The following RHBG variants were observed in gnomAD, a reference collection of about 807,000 sequenced individuals.
RHBG encodes ammonium transporter Rh type B.
Under a neutral mutation model 40.1 loss-of-function variants are expected in RHBG, and 39 were observed. The ratio of observed to expected loss-of-function variants is 0.97; its 90% CI spans 0.75 to 1.27. The LOEUF (loss-of-function observed/expected upper bound fraction) is 1.27, where lower values mean the gene tolerates loss of function less well. RHBG is among the 50% of genes most tolerant of loss of function. The probability of loss-of-function intolerance (pLI) is 0.00; values close to 1 mark genes in which losing one functional copy is unlikely to be tolerated. For missense variants in RHBG, 549 were observed against 588.1 expected, an observed-to-expected ratio of 0.93 and a Z score of 0.69; for synonymous variants, 237 against 252.5, an observed-to-expected ratio of 0.94 and a Z score of 0.58.
At position 156,385,058 on chromosome 1, in the gene RHBG, G is replaced by A; in HGVS notation, c.*213G>A. On this transcript the variant is annotated 3_prime_UTR_variant, in exon 10 of 10. Coordinates refer to ENST00000537040, the MANE Select transcript of RHBG (RefSeq NM_020407.5). ...GTGGGGCCGTAACTGGGTACAATAGGGGGAACCTCACCAGATGCCCAACCC... is the reference window on the plus strand; with the variant it reads ...GTGGGGCCGTAACTGGGTACAATAGAGGGAACCTCACCAGATGCCCAACCC... 1 of 515,282 alleles carries A rather than the reference G, an allele frequency of 1.9e-6. No homozygotes were observed. 31.9% of individuals were successfully genotyped at this position (515,282 alleles called of 1,614,324 possible). A position where few individuals can be genotyped will look rare whatever the true frequency, so the allele number is the denominator to read the frequency against.
chr1:156,371,166 T>TTC (rs1012144986), intron 1 of RHBG: 1 of 325,044 alleles, frequency 3.1e-6, no homozygotes, highest in Admixed American at 3.6e-5. Flanking sequence ...TTTTCTTTCT[T>TTC]TTTTTTTTTT....
intron 7 of RHBG, 142 bp downstream of exon 7, chr1:156,382,343 C>G: frequency 1.6e-6 from 2 of 1,283,300 alleles, no homozygotes; most frequent in Non-Finnish European, 2.2e-6. Context: ...TTGGAGTTAA[C>G]AAAACCAACC....
At chr1:156,383,007 C>A (rs974380819) in intron 8 of RHBG, 138 bp downstream of exon 8, 2 of 1,211,974 alleles carry the variant, frequency 1.7e-6, no homozygotes, top group East Asian at 2.4e-5. Flanking sequence ...AAGGGGTAAC[C>A]AACCTCCTGC....
chr1:156,381,986 G>T (rs773756983), intron 6 of RHBG, 43 bp downstream of exon 6: 39 of 1,608,938 alleles, frequency 2.4e-5, no homozygotes, highest in Non-Finnish European at 3.1e-5. Flanking sequence ...TGGAGTCTTT[G>T]GTACCTTTCC....
Position 156,378,385 on chromosome 1 carries a change from T to A in RHBG, c.659T>A (p.Leu220His). The change falls in exon 4 of 10, where the codon CTC becomes CAC. Residue 220 changes from leucine (L) to histidine (H), a missense_variant. Coordinates refer to ENST00000537040, the MANE Select transcript of RHBG (RefSeq NM_020407.5). ...CAGGGCTCCGTCTACCATTCAGACC[T>A]CTTCGCCATGATTGGTGAGGCCTTC... is the stretch of plus-strand genomic sequence containing the variant. ...HRQGSVYHSD[L>H]FAMIGTIFLW... is the part of the protein sequence containing the mutation. 1 of 1,601,828 alleles carries A rather than the reference T, an allele frequency of 6.2e-7. No homozygotes were observed. Among genetic ancestry groups the A allele is most frequent in the South Asian group, 1.1e-5 (1 of 89,618 alleles).
intron 1 of RHBG, among the ~76,000 whole-genome samples, chr1:156,370,035 C>T (rs1666734144): frequency 1.3e-5 from 2 of 152,184 alleles, no homozygotes; most frequent in African/African-American, 4.8e-5. Context: ...AATGAGGCAA[C>T]TGGCCAGTCG....
chr1:156,381,477 G>A lies in RHBG; in HGVS notation c.804G>A (p.Leu268=). Residue 268 remains leucine (L), a synonymous_variant, in exon 5 of 10, where the codon TTG becomes TTA. Transcript: ENST00000537040. The part of the protein sequence containing the change: ...LAASTLGTFA[L]SALVGEDGRL... The stretch of plus-strand genomic sequence containing the variant: ...CCAGCACCCTTGGCACCTTTGCCTT[G>A]TCAGCCCTTGTAGGGGAAGATGGGA... 4 of 1,613,544 alleles carry A rather than the reference G, an allele frequency of 2.5e-6. No homozygotes were observed. Among genetic ancestry groups the A allele is most frequent in the Non-Finnish European group, 3.4e-6 (4 of 1,179,634 alleles).
rs747124756 is a variant in RHBG, at chr1:156,378,098, G to A, written c.483G>A (p.Val161=). Reference sequence around the variant, plus strand: ...TGCTCATGGCCCTGCTGGAGGTGGTGCTGTTTGGCATCAATGAGTTTGTGC... The same window carrying A: ...TGCTCATGGCCCTGCTGGAGGTGGTACTGTTTGGCATCAATGAGTTTGTGC... ...QLLLMALLEV[V]LFGINEFVLL... Residue 161 remains valine (V), a synonymous_variant, in exon 3 of 10, where the codon GTG becomes GTA. Transcript: ENST00000537040. 5 of 1,612,502 alleles carry A rather than the reference G, an allele frequency of 3.1e-6. No homozygotes were observed. The highest frequency in any genetic ancestry group is 4.2e-6 in the Non-Finnish European group (5 of 1,179,270).
chr1:156,383,750 A>G lies in RHBG; in HGVS notation c.1235-777A>G, dbSNP rs898467818. Among the ~76,000 whole-genome samples the G allele has an allele frequency of 1.1e-4, 15 of 136,838 alleles. 1 individual carries two copies. The highest frequency in any genetic ancestry group is 5.5e-3 in the Middle Eastern group (1 of 182). 89.8% of individuals were successfully genotyped at this position (136,838 alleles called of 152,430 possible). Reference sequence around the variant, plus strand: ...CACTGTGTTAGCCAGGATGGTCTCAATCTCCTGACCTCGTGATCCGCCCGC... The same window carrying G: ...CACTGTGTTAGCCAGGATGGTCTCAGTCTCCTGACCTCGTGATCCGCCCGC... On this transcript the variant is annotated intron_variant, in intron 8 of 9. Coordinates refer to ENST00000537040, the MANE Select transcript of RHBG (RefSeq NM_020407.5).
intron 1 of RHBG, among the ~76,000 whole-genome samples, chr1:156,370,184 C>T (rs1406696637): frequency 1.3e-5 from 2 of 152,114 alleles, no homozygotes; most frequent in Non-Finnish European, 2.9e-5. Flanking sequence ...CGCGGTGCCT[C>T]ATGCCTGTAA....
At chr1:156,371,703 G>A (rs7525133) in intron 1 of RHBG, 10,616 of 153,144 alleles carry the variant, frequency 0.069, 431 homozygotes, top group African/African-American at 0.086. Context: ...GGAGGGAACA[G>A]TCCAGAGTCT....
intron 8 of RHBG, among the ~76,000 whole-genome samples, chr1:156,383,088 G>A (rs868556682): frequency 1.3e-5 from 2 of 152,326 alleles, no homozygotes; most frequent in Middle Eastern, 3.4e-3. Context: ...CGCGAGGGGT[G>A]AGCGAGGCCC....
intron 4 of RHBG, among the ~76,000 whole-genome samples, chr1:156,379,992 A>C (rs1185880486): frequency 6.6e-6 from 1 of 152,174 alleles, no homozygotes; most frequent in Non-Finnish European, 1.5e-5. Context: ...CAAACACTGA[A>C]GGGTCCACCC....
chr1:156,376,190 C>T (rs1030962425), intron 1 of RHBG, among the ~76,000 whole-genome samples: 1 of 152,080 alleles, frequency 6.6e-6, no homozygotes, highest in South Asian at 2.1e-4. Flanking sequence ...TTAAAATATT[C>T]AAACTATAGA....
rs758631939 is a variant in RHBG at position 156,377,253 on chromosome 1, A to G, written c.188-48A>G. 4 of 1,576,218 alleles carry G rather than the reference A, an allele frequency of 2.5e-6. No individual in the cohort carries two copies. The highest frequency in any genetic ancestry group is 3.5e-6 in the Non-Finnish European group (4 of 1,151,678). On this transcript the variant is annotated intron_variant, in intron 1 of 9. Coordinates refer to ENST00000537040, the MANE Select transcript of RHBG (RefSeq NM_020407.5). This position sits in a 1 kb window ranked among gnomAD's most constrained non-coding sequence, Gnocchi z 4.6. The stretch of plus-strand genomic sequence containing the variant: ...AGGGTAGCTGACTGGATTGTGGGCT[A>G]TGGCTAGAGCAGCCCCCAAGTGCCC...
chr1:156,375,239 A>T (rs2101767569), intron 1 of RHBG, among the ~76,000 whole-genome samples: 1 of 151,912 alleles, frequency 6.6e-6, no homozygotes, highest in Non-Finnish European at 1.5e-5. Flanking sequence ...CACCTGGCTA[A>T]TTTTTGTTTT....
At chr1:156,379,128 G>C (rs1026352040) in intron 4 of RHBG, among the ~76,000 whole-genome samples, 2 of 151,872 alleles carry the variant, frequency 1.3e-5, no homozygotes, top group African/African-American at 4.8e-5. Flanking sequence ...CCGAGTAGCT[G>C]GGATTACAGG....
intron 8 of RHBG, among the ~76,000 whole-genome samples, chr1:156,383,827 T>TAAGC (rs1667845799): frequency 1.7e-5 from 1 of 57,244 alleles, no homozygotes; most frequent in Admixed American, 2.4e-4. Context: ...GCGCCCGGCC[T>TAAGC]ATTTTTTTTT....
At chr1:156,381,552 C>T (rs1667640127) in intron 5 of RHBG, 39 bp downstream of exon 5, 7 of 1,570,592 alleles carry the variant, frequency 4.5e-6, no homozygotes, top group East Asian at 2.2e-5. Context: ...GAGGGGGTGG[C>T]CTGGGCAGGG....
Sources: gnomAD v4.1 joint callset for allele counts (sites outside exome capture counted in the v4.1 genomes callset) on GRCh38, gnomAD v4.1.1 for gene constraint, Gnocchi (gnomAD v3.1) non-coding constraint, MANE v1.5 for transcripts, NCBI Gene and HGNC (gene_info 2026-07-23, HGNC 2026-07-21) for gene names.